The following CALN1 variants were observed in gnomAD, a reference collection of about 807,000 sequenced individuals.
CALN1 encodes the protein calneuron 1, also known as calcium-binding protein 8.
Under a neutral mutation model 30.6 loss-of-function variants are expected in CALN1, and 17 were observed. The observed-to-expected ratio is 0.56, with a 90% CI of 0.38 to 0.83. The LOEUF is 0.83. Ranked by LOEUF, CALN1 falls within the 40% of genes least tolerant of loss-of-function variation. The pLI, the probability that CALN1 is intolerant of heterozygous loss-of-function variation, is 0.00. For missense variants in CALN1, 291 were observed against 354.9 expected (o/e 0.82, Z 1.45); for synonymous variants, 156 against 131.4 (o/e 1.19, Z -1.28).
the CALN1 span, among the ~76,000 whole-genome samples, chr7:72,491,030 G>A: frequency 1.3e-5 from 2 of 152,036 alleles, no homozygotes; most frequent in Non-Finnish European, 2.9e-5. Flanking sequence ...GGATCACGAG[G>A]TCAGGAGATC....
At chr7:72,335,133 C>G (rs1481251847) in intron 2 of CALN1, among the ~76,000 whole-genome samples, 1 of 152,178 alleles carries the variant, frequency 6.6e-6, no homozygotes, top group Non-Finnish European at 1.5e-5. Context: ...AAAATCAAAA[C>G]TCCACATTCT....
At position 71,782,545 on chromosome 7, in the gene CALN1, C is replaced by T. The variant is rs1353969415; in HGVS notation, c.*5230G>A. The T allele has an allele frequency of 6.6e-6, 1 of 152,110 alleles. No individual in the cohort carries two copies. Among genetic ancestry groups the T allele is most frequent in the African/African-American group, 2.4e-5 (1 of 41,418 alleles). 9.4% of individuals were successfully genotyped at this position (152,110 alleles called of 1,614,324 possible). Reference sequence around the variant, plus strand: ...CAATGCAAAACGGACTAACATACACCTATTTATGGCAGGGCCAAAAAATTG... The same window carrying T: ...CAATGCAAAACGGACTAACATACACTTATTTATGGCAGGGCCAAAAAATTG... On this transcript the variant is annotated 3_prime_UTR_variant, in exon 7 of 7. Coordinates refer to ENST00000395275, the MANE Select transcript of CALN1 (RefSeq NM_031468.4).
intron 2 of CALN1, among the ~76,000 whole-genome samples, chr7:72,318,941 C>G (rs988596677): frequency 6.6e-6 from 1 of 151,048 alleles, no homozygotes; most frequent in African/African-American, 2.4e-5. Flanking sequence ...AGTGTGAATA[C>G]AAATGAGCAC....
At chr7:72,471,367 G>A in the CALN1 span, among the ~76,000 whole-genome samples, 1 of 152,152 alleles carries the variant, frequency 6.6e-6, no homozygotes, top group African/African-American at 2.4e-5. Flanking sequence ...AAACCCATTG[G>A]TGCTGCCTGG....
At chr7:72,418,563 C>G (rs1562961907) in intron 1 of CALN1, among the ~76,000 whole-genome samples, 1 of 152,198 alleles carries the variant, frequency 6.6e-6, no homozygotes, top group Non-Finnish European at 1.5e-5. Context: ...CACAGTATCC[C>G]CAGTACCTCA....
intron 3 of CALN1, among the ~76,000 whole-genome samples, chr7:72,174,327 T>G (rs1789182077): frequency 6.6e-6 from 1 of 152,198 alleles, no homozygotes; most frequent in African/African-American, 2.4e-5. Context: ...AGTTTGGCAA[T>G]GTCTTAAAAA....
At chr7:71,837,911 G>A (rs1789715563) in intron 5 of CALN1, among the ~76,000 whole-genome samples, 1 of 151,814 alleles carries the variant, frequency 6.6e-6, no homozygotes, top group Non-Finnish European at 1.5e-5. Context: ...CAAAACGCCA[G>A]AACAGGAGGG....
At chr7:72,015,360 T>A (rs796851826) in intron 5 of CALN1, among the ~76,000 whole-genome samples, 22 of 152,122 alleles carry the variant, frequency 1.4e-4, no homozygotes, top group African/African-American at 5.3e-4. Flanking sequence ...AGGCCTGGAG[T>A]TTCTGATTCA....
At chr7:71,945,541 C>G (rs1796361690) in intron 5 of CALN1, among the ~76,000 whole-genome samples, 1 of 152,182 alleles carries the variant, frequency 6.6e-6, no homozygotes, top group Non-Finnish European at 1.5e-5. Flanking sequence ...GGTGAGCAAA[C>G]ATTGCCGCCT....
chr7:71,965,127 A>G (rs1354842677), intron 5 of CALN1, among the ~76,000 whole-genome samples: 2 of 152,072 alleles, frequency 1.3e-5, no homozygotes, highest in Non-Finnish European at 2.9e-5. Context: ...TCTTGTGTTC[A>G]AGTCATCCTC....
intron 5 of CALN1, among the ~76,000 whole-genome samples, chr7:71,915,540 T>C (rs1395113552): frequency 6.6e-6 from 1 of 152,174 alleles, no homozygotes; most frequent in African/African-American, 2.4e-5. Context: ...GAGACCATCC[T>C]GGCCAACATG....
chr7:72,284,907 T>C (rs888028158), intron 2 of CALN1, among the ~76,000 whole-genome samples: 3 of 152,164 alleles, frequency 2.0e-5, no homozygotes, highest in Non-Finnish European at 4.4e-5. Flanking sequence ...TCTGTTTCTT[T>C]GGAGAACCCA....
intron 5 of CALN1, among the ~76,000 whole-genome samples, chr7:71,884,027 C>T (rs143295757): frequency 0.036 from 5,553 of 152,208 alleles, 353 homozygotes; most frequent in African/African-American, 0.13. Context: ...GATTTTCCTG[C>T]CTCAGCCTCC....
At chr7:72,146,714 A>ATAG (rs747399040) in intron 3 of CALN1, among the ~76,000 whole-genome samples, 84 of 152,344 alleles carry the variant, frequency 5.5e-4, no homozygotes, top group Admixed American at 3.0e-3. Context: ...CCTGACTTCA[A>ATAG]ACTATACTAC....
intron 4 of CALN1, among the ~76,000 whole-genome samples, chr7:72,036,525 A>G (rs1036027449): frequency 3.3e-5 from 5 of 152,106 alleles, no homozygotes; most frequent in East Asian, 1.9e-4. Flanking sequence ...CGTTCCTTCA[A>G]TCTTTTTTCT....
intron 1 of CALN1, among the ~76,000 whole-genome samples, chr7:72,433,786 G>A (rs773271430): frequency 5.3e-5 from 8 of 152,242 alleles, no homozygotes; most frequent in Admixed American, 2.6e-4. Context: ...CATTGGAGGC[G>A]GGGCACAGTG....
intron 2 of CALN1, among the ~76,000 whole-genome samples, chr7:72,369,265 C>T (rs112742112): frequency 8.8e-5 from 13 of 147,268 alleles, no homozygotes; most frequent in African/African-American, 1.5e-4. Flanking sequence ...ACGTACATTA[C>T]GCAAAGTGTT....
At chr7:72,031,987 T>A (rs1404004611) in intron 4 of CALN1, among the ~76,000 whole-genome samples, 4 of 149,882 alleles carry the variant, frequency 2.7e-5, no homozygotes, top group African/African-American at 9.8e-5. Flanking sequence ...AGGTGATCCG[T>A]CCGCCCTCCT....
At chr7:71,802,173 A>C (rs1249454886) in intron 6 of CALN1, among the ~76,000 whole-genome samples, 3 of 152,156 alleles carry the variant, frequency 2.0e-5, no homozygotes, top group African/African-American at 7.2e-5. Context: ...TAGATAGTAT[A>C]ATGTGTCATG....
Sources: allele counts gnomAD v4.1 joint callset (sites outside exome capture counted in the v4.1 genomes callset), GRCh38; gene constraint gnomAD v4.1.1; transcripts MANE v1.5; gene names NCBI Gene and HGNC (gene_info 2026-07-23, HGNC 2026-07-21).